MRM1: variants seen among roughly 807,000 people sequenced by gnomAD.
The protein encoded by MRM1 is rRNA methyltransferase 1, mitochondrial.
MRM1 carries 24 observed loss-of-function variants against 25.0 expected under a neutral mutation model. That is an observed-to-expected ratio of 0.96 (90% CI 0.69 to 1.35). The LOEUF (loss-of-function observed/expected upper bound fraction) is 1.35. Ranked by LOEUF, MRM1 falls within the 40% of genes most tolerant of loss-of-function variation. The pLI, the probability that MRM1 is intolerant of heterozygous loss-of-function variation, is 0.00. For missense variants in MRM1, 431 were observed against 464.1 expected (o/e 0.93, Z 0.65); for synonymous variants, 188 against 199.2 (o/e 0.94, Z 0.47).
At chr17:36,631,089 G>A in the MRM1 span, among the ~76,000 whole-genome samples, 1 of 152,244 alleles carries the variant, frequency 6.6e-6, no homozygotes, top group East Asian at 1.9e-4. Context: ...TGCATGGAAG[G>A]TGCTTAGCAC....
At chr17:36,629,495 TGCCTAGTG>T in the MRM1 span, among the ~76,000 whole-genome samples, 14 of 152,162 alleles carry the variant, frequency 9.2e-5, no homozygotes, top group Admixed American at 6.5e-4. Flanking sequence ...AGCATGTGGC[TGCCTAGTG>T]GCCAGAGGGC....
chr17:36,625,462 CTT>C, the MRM1 span, among the ~76,000 whole-genome samples: 6 of 101,998 alleles, frequency 5.9e-5, no homozygotes, highest in Admixed American at 3.7e-4. Context: ...CCTCCTCCTC[CTT>C]TTTTTTTTTT....
the MRM1 span, among the ~76,000 whole-genome samples, chr17:36,632,660 G>A: frequency 6.6e-6 from 1 of 152,188 alleles, no homozygotes; most frequent in Non-Finnish European, 1.5e-5. Flanking sequence ...GATTGATTGG[G>A]TGAAAGGATC....
downstream of MRM1, among the ~76,000 whole-genome samples, chr17:36,610,295 C>T (rs938439130): frequency 1.3e-5 from 2 of 151,074 alleles, no homozygotes; most frequent in Non-Finnish European, 2.9e-5. Context: ...TGCAGTGGCG[C>T]GATCTCGGCT....
At chr17:36,627,334 A>G in the MRM1 span, among the ~76,000 whole-genome samples, 1 of 152,248 alleles carries the variant, frequency 6.6e-6, no homozygotes, top group Non-Finnish European at 1.5e-5. Flanking sequence ...CTGCAGGGCC[A>G]GTCCTGTGCC....
the MRM1 span, among the ~76,000 whole-genome samples, chr17:36,632,101 C>G: frequency 6.6e-6 from 1 of 151,988 alleles, no homozygotes. Flanking sequence ...GTGATCCGCC[C>G]GCCTTGGCCT....
chr17:36,612,945 C>CT (rs1477961645), downstream of MRM1, among the ~76,000 whole-genome samples: 1 of 152,178 alleles, frequency 6.6e-6, no homozygotes, highest in Non-Finnish European at 1.5e-5. Flanking sequence ...GCTCTGGCCC[C>CT]TTTCATCTGC....
downstream of MRM1, among the ~76,000 whole-genome samples, chr17:36,612,815 AC>A (rs1484049608): frequency 7.2e-5 from 11 of 152,112 alleles, no homozygotes; most frequent in Admixed American, 2.6e-4. Flanking sequence ...TACATGTAAA[AC>A]CCTCAGCCCC....
Position 36,602,095 on chromosome 17 carries a change from G to C in MRM1, c.285G>C (p.Arg95=). Residue 95 remains arginine (R), a synonymous_variant, in exon 1 of 5, where the codon CGG becomes CGC. Coordinates refer to ENST00000614766, the MANE Select transcript of MRM1 (RefSeq NM_024864.5). The surrounding 1 kb of genome is among the most constrained non-coding windows in gnomAD (Gnocchi z 4.1). ...AGCTGCTCCGGATGGCCGAGGCGCG[G>C]GACATTCCAGTTCTGCGGCCCAGAC... is the stretch of plus-strand genomic sequence containing the variant. The part of the protein sequence containing the change: ...RAELLRMAEA[R]DIPVLRPRRQ... 1 of 1,611,268 alleles carries C rather than the reference G, an allele frequency of 6.2e-7. No homozygotes were observed. Among genetic ancestry groups the C allele is most frequent in the Non-Finnish European group, 8.5e-7 (1 of 1,179,750 alleles).
chr17:36,631,479 C>A, the MRM1 span, among the ~76,000 whole-genome samples: 1 of 152,244 alleles, frequency 6.6e-6, no homozygotes, highest in Non-Finnish European at 1.5e-5. Flanking sequence ...AGGCATGTGA[C>A]CTTGGGCAAG....
At chr17:36,604,919 C>T (rs1310837783) in intron 2 of MRM1, among the ~76,000 whole-genome samples, 1 of 151,742 alleles carries the variant, frequency 6.6e-6, no homozygotes, top group Admixed American at 6.6e-5. Context: ...GCAGGTGGAT[C>T]ACCTGAGGTC....
chr17:36,616,641 T>C, the MRM1 span, among the ~76,000 whole-genome samples: 1 of 152,210 alleles, frequency 6.6e-6, no homozygotes, highest in Non-Finnish European at 1.5e-5. Context: ...GGAGGAGTGA[T>C]GTGGTGATGA....
chr17:36,602,973 G>A lies in MRM1; in HGVS notation c.636+327G>A. ...ATTTTGTTCAGCTGTGGGGAGCTGC[G>A]TACAGGAGACCTGAGTTCCTCGAAT... On this transcript the variant is annotated intron_variant, in intron 2 of 4. Transcript: ENST00000614766. The surrounding 1 kb of genome is among the most constrained non-coding windows in gnomAD (Gnocchi z 4.1). 3 of 985,402 alleles carry A rather than the reference G, an allele frequency of 3.0e-6. No individual in the cohort carries two copies. The highest frequency in any genetic ancestry group is 9.4e-5 in the South Asian group (2 of 21,290). 61.0% of individuals were successfully genotyped at this position (985,402 alleles called of 1,614,324 possible).
At position 36,602,920 on chromosome 17, in the gene MRM1, G is replaced by A; in HGVS notation, c.636+274G>A. 2.0e-6 allele frequency: 2 copies of A among 985,310 alleles called. No individual in the cohort carries two copies. Among genetic ancestry groups the A allele is most frequent in the Non-Finnish European group, 2.4e-6 (2 of 829,852 alleles). The allele number at this position is 985,310 out of a possible 1,614,324, so 61.0% of individuals were successfully genotyped here. ...TGTAAGTCAGCCTCAGTGTCTATTT[G>A]CCTACTAGGTCGGGCTTCAGTAAAT... On this transcript the variant is annotated intron_variant, in intron 2 of 4. Transcript: ENST00000614766. This position sits in a 1 kb window ranked among gnomAD's most constrained non-coding sequence, Gnocchi z 4.1.
At chr17:36,618,574 G>A in the MRM1 span, among the ~76,000 whole-genome samples, 1 of 152,130 alleles carries the variant, frequency 6.6e-6, no homozygotes, top group Non-Finnish European at 1.5e-5. Flanking sequence ...CGTGGCTGGA[G>A]AGAGGTAAGG....
At position 36,608,251 on chromosome 17, in the gene MRM1, C is replaced by A; in HGVS notation, c.898C>A (p.Leu300Ile). 1 of 1,568,328 alleles carries A rather than the reference C, an allele frequency of 6.4e-7. No individual in the cohort carries two copies. Among genetic ancestry groups the A allele is most frequent in the South Asian group, 1.2e-5 (1 of 83,728 alleles). Residue 300 changes from leucine to isoleucine, a missense_variant, in exon 5 of 5, where the codon CTT (leucine) becomes ATT (isoleucine). Leu to Ile is a conservative substitution (Grantham distance 5). Coordinates refer to ENST00000614766, the MANE Select transcript of MRM1 (RefSeq NM_024864.5). Reference sequence around the variant, plus strand: ...TCCTTGTGTCTGTGCAGGAATTCTTCTTCACTCCATTTGCAGCCAGAGGAA... The same window carrying A: ...TCCTTGTGTCTGTGCAGGAATTCTTATTCACTCCATTTGCAGCCAGAGGAA... ...LNVSVAAGIL[L>I]HSICSQRKGF...
At chr17:36,603,178 C>T (rs1213542734) in intron 2 of MRM1, 8 of 971,152 alleles carry the variant, frequency 8.2e-6, no homozygotes, top group Non-Finnish European at 8.6e-6. Context: ...CCCCCCCCAA[C>T]CCCCACCCCA....
intron 2 of MRM1, among the ~76,000 whole-genome samples, chr17:36,606,414 A>ATT (rs35048409): frequency 0.017 from 2,449 of 140,486 alleles, 63 homozygotes; most frequent in African/African-American, 0.059. Flanking sequence ...CTGATGGATA[A>ATT]TTTTTTTTTT....
chr17:36,608,582 G>C lies in MRM1; in HGVS notation c.*167G>C. 1 of 447,354 alleles carries C rather than the reference G, an allele frequency of 2.2e-6. No individual in the cohort carries two copies. Among genetic ancestry groups the C allele is most frequent in the Non-Finnish European group, 3.9e-6 (1 of 259,012 alleles). The allele number at this position is 447,354 out of a possible 1,614,324, so 27.7% of individuals were successfully genotyped here. ...ACTGCGGTGGACACCAGAGGAAGCT[G>C]TTTCCTGTTGTGATGTTGGACCTGT... On this transcript the variant is annotated 3_prime_UTR_variant, in exon 5 of 5. Transcript: ENST00000614766.
Sources: allele counts gnomAD v4.1 joint callset (sites outside exome capture counted in the v4.1 genomes callset), GRCh38; gene constraint gnomAD v4.1.1; non-coding constraint Gnocchi (gnomAD v3.1); transcripts MANE v1.5; gene names NCBI Gene and HGNC (gene_info 2026-07-23, HGNC 2026-07-21).